Variants in ITGB3BP observed in about 807,000 individuals in gnomAD.
ITGB3BP encodes the protein centromere protein R.
In ITGB3BP, 27 loss-of-function variants were observed where a neutral mutation model predicts 29.1. The ratio of observed to expected loss-of-function variants is 0.93; its 90% confidence interval spans 0.68 to 1.28. The LOEUF (loss-of-function observed/expected upper bound fraction) is 1.28. Ranked by LOEUF, ITGB3BP falls within the 50% of genes most tolerant of loss-of-function variation. The pLI is 0.00. For missense variants in ITGB3BP, 192 were observed against 200.2 expected, an observed-to-expected ratio of 0.96 and a Z score of 0.25; for synonymous variants, 61 against 61.4, an observed-to-expected ratio of 0.99 and a Z score of 0.03.
intron 2 of ITGB3BP, among the ~76,000 whole-genome samples, chr1:63,500,581 TAA>T (rs1645902551): frequency 6.6e-6 from 1 of 152,156 alleles, no homozygotes; most frequent in Non-Finnish European, 1.5e-5. Flanking sequence ...CAGAAAACTA[TAA>T]GACTTGTATA....
intron 2 of ITGB3BP, among the ~76,000 whole-genome samples, chr1:63,506,785 T>G (rs1221536718): frequency 1.3e-5 from 2 of 152,194 alleles, no homozygotes; most frequent in Non-Finnish European, 2.9e-5. Context: ...GCCTTCCCCC[T>G]TCAGCAACAT....
rs184060205 is a variant in ITGB3BP at position 63,515,623 on chromosome 1, C to G, written c.6-7053G>C. Among the ~76,000 whole-genome samples, 40 of 151,864 alleles carry G rather than the reference C, an allele frequency of 2.6e-4. 1 individual carries two copies. Among genetic ancestry groups the G allele is most frequent in the Admixed American group, 6.6e-4 (10 of 15,262 alleles). On this transcript the variant is annotated intron_variant, in intron 1 of 8. Coordinates refer to ENST00000271002, the MANE Select transcript of ITGB3BP (RefSeq NM_014288.5). ...TGGGCAGATTACAAGGTCAGGAGTT[C>G]AAGACCAGCCTGATCAATATGGTGA...
At chr1:63,507,770 T>A (rs867330734) in intron 2 of ITGB3BP, among the ~76,000 whole-genome samples, 1 of 152,200 alleles carries the variant, frequency 6.6e-6, no homozygotes, top group Non-Finnish European at 1.5e-5. Flanking sequence ...AAATTCCATA[T>A]AAAACCCATT....
intron 1 of ITGB3BP, among the ~76,000 whole-genome samples, chr1:63,522,378 A>T (rs1480993738): frequency 6.6e-6 from 1 of 152,206 alleles, no homozygotes; most frequent in Non-Finnish European, 1.5e-5. Flanking sequence ...GGGGGTACCT[A>T]AATCAACCTG....
At chr1:63,497,694 A>T (rs995634144) in intron 2 of ITGB3BP, among the ~76,000 whole-genome samples, 2 of 151,504 alleles carry the variant, frequency 1.3e-5, no homozygotes, top group African/African-American at 4.8e-5. Context: ...GATAGAAACT[A>T]AAGCTTTGTG....
chr1:63,513,704 T>G (rs1646251168), intron 1 of ITGB3BP, among the ~76,000 whole-genome samples: 1 of 152,136 alleles, frequency 6.6e-6, no homozygotes, highest in Non-Finnish European at 1.5e-5. Context: ...TATTGACATC[T>G]CCAATGCCAA....
chr1:63,457,341 A>C (rs1644949902), intron 4 of ITGB3BP: 1 of 152,194 alleles, frequency 6.6e-6, no homozygotes, highest in South Asian at 2.1e-4. Context: ...CATCCTAGAC[A>C]AAATGGAATT....
intron 4 of ITGB3BP, among the ~76,000 whole-genome samples, chr1:63,466,141 T>C (rs1303217212): frequency 1.3e-5 from 2 of 152,242 alleles, no homozygotes; most frequent in African/African-American, 4.8e-5. Flanking sequence ...TCGCCTTCCA[T>C]GGAGCCATGG....
chr1:63,460,988 C>G (rs1645006952), intron 4 of ITGB3BP, among the ~76,000 whole-genome samples: 1 of 151,272 alleles, frequency 6.6e-6, no homozygotes, highest in Non-Finnish European at 1.5e-5. Context: ...GCCTGTAATC[C>G]CAGCACTTTG....
At chr1:63,525,647 G>T, upstream of ITGB3BP, 1 of 1,603,656 alleles carries the variant, frequency 6.2e-7, no homozygotes, top group Non-Finnish European at 8.5e-7. Context: ...CTCGAACAAA[G>T]AAATTTCCAC....
upstream of ITGB3BP, chr1:63,525,642 A>C: frequency 6.2e-7 from 1 of 1,604,008 alleles, no homozygotes; most frequent in South Asian, 1.1e-5. Context: ...GAGTCCTCGA[A>C]CAAAGAAATT....
At chr1:63,475,726 G>A (rs1298809311) in intron 4 of ITGB3BP, among the ~76,000 whole-genome samples, 6 of 152,042 alleles carry the variant, frequency 3.9e-5, no homozygotes, top group Admixed American at 3.3e-4. Context: ...GGCCAGGTGC[G>A]GTGGCTCATG....
intron 1 of ITGB3BP, among the ~76,000 whole-genome samples, chr1:63,513,473 G>C (rs1646245396): frequency 6.6e-6 from 1 of 152,084 alleles, no homozygotes; most frequent in South Asian, 2.1e-4. Flanking sequence ...CTCTGCACCA[G>C]CTTTGGAATC....
upstream of ITGB3BP, among the ~76,000 whole-genome samples, chr1:63,525,926 C>T (rs1381832502): frequency 6.6e-6 from 1 of 152,064 alleles, no homozygotes; most frequent in Non-Finnish European, 1.5e-5. Flanking sequence ...GTTACATATT[C>T]TAGGAACTAC....
rs1049256700 is a variant in ITGB3BP at position 63,440,874 on chromosome 1, CTTACA to C, written c.*226_*230del. The C allele has an allele frequency of 2.0e-5, 3 of 152,566 alleles. No individual in the cohort carries two copies. The highest frequency in any genetic ancestry group is 6.6e-5 in the Admixed American group (1 of 15,264). 9.5% of individuals were successfully genotyped at this position (152,566 alleles called of 1,614,324 possible). A position where few individuals can be genotyped will look rare whatever the true frequency, so the allele number is the denominator to read the frequency against. ...GTCAAGATCTTCCTCTCCATGTTGG[CTTACA>C]TTAAAGAGCCAAGAAGAAATGTATT... On this transcript the variant is annotated 3_prime_UTR_variant, in exon 9 of 9. Transcript: ENST00000271002.
At chr1:63,496,722 T>G (rs148317769) in intron 2 of ITGB3BP, among the ~76,000 whole-genome samples, 66 of 152,326 alleles carry the variant, frequency 4.3e-4, no homozygotes, top group African/African-American at 1.5e-3. Flanking sequence ...GCTTTTCTAC[T>G]GCAATGTCTT....
chr1:63,448,109 C>T (rs1275026508), intron 7 of ITGB3BP, among the ~76,000 whole-genome samples: 2 of 140,298 alleles, frequency 1.4e-5, no homozygotes, highest in Admixed American at 1.6e-4. Context: ...TGTTCTCACT[C>T]ATAGGTGGGA....
At chr1:63,508,804 A>G (rs1176622495) in intron 1 of ITGB3BP, among the ~76,000 whole-genome samples, 1 of 152,172 alleles carries the variant, frequency 6.6e-6, no homozygotes, top group Non-Finnish European at 1.5e-5. Context: ...GTTTCTTTAA[A>G]AAATATATGC....
chr1:63,523,169 A>G lies in ITGB3BP; in HGVS notation c.-36T>C, dbSNP rs780025408. On this transcript the variant is annotated 5_prime_UTR_variant, in exon 1 of 9. Transcript: ENST00000271002. ...GGGAAAGCACCACTGCCGCTGAATA[A>G]AACGAACCCAGCAACTTCCGAAAAC... is the stretch of plus-strand genomic sequence containing the variant. The G allele has an allele frequency of 6.2e-7, 1 of 1,613,766 alleles. No individual in the cohort carries two copies. The highest frequency in any genetic ancestry group is 8.5e-7 in the Non-Finnish European group (1 of 1,179,972).
Sources: allele counts gnomAD v4.1 joint callset (sites outside exome capture counted in the v4.1 genomes callset), GRCh38; gene constraint gnomAD v4.1.1; transcripts MANE v1.5; gene names NCBI Gene and HGNC (gene_info 2026-07-23, HGNC 2026-07-21).